Variants in LINGO2 observed in about 807,000 individuals in gnomAD.
LINGO2 encodes the protein leucine rich repeat and Ig domain containing 2, also known as leucine-rich repeat and immunoglobulin-like domain-containing nogo receptor-interacting protein 2.
Under a neutral mutation model 30.6 loss-of-function variants are expected in LINGO2, and 14 were observed. The observed-to-expected ratio is 0.46, with a 90% CI of 0.30 to 0.72. LINGO2 has a LOEUF of 0.72. LINGO2 is among the 30% of genes least tolerant of loss of function. The probability of loss-of-function intolerance (pLI) is 0.07; values close to 1 mark genes in which losing one functional copy is unlikely to be tolerated. For synonymous variants in LINGO2, 317 were observed against 288.5 expected (o/e 1.10, Z -1.00); for missense variants, 729 against 751.7 (o/e 0.97, Z 0.35).
intron 3 of LINGO2, among the ~76,000 whole-genome samples, chr9:28,312,927 A>G (rs1219827126): frequency 6.6e-6 from 1 of 152,182 alleles, no homozygotes; most frequent in Admixed American, 6.5e-5. Context: ...AAGGGTAGTT[A>G]TTTATTACAT....
At chr9:28,059,874 G>C (rs996788769) in intron 4 of LINGO2, among the ~76,000 whole-genome samples, 1 of 151,848 alleles carries the variant, frequency 6.6e-6, no homozygotes, top group African/African-American at 2.4e-5. Context: ...GGAGGCCTAA[G>C]TACATGCAAA....
chr9:28,361,838 G>A (rs1350507188), intron 3 of LINGO2, among the ~76,000 whole-genome samples: 1 of 152,128 alleles, frequency 6.6e-6, no homozygotes, highest in African/African-American at 2.4e-5. Flanking sequence ...TTGTAAGTTA[G>A]GTTTAACAGA....
At chr9:28,209,856 A>G (rs1820530319) in intron 4 of LINGO2, among the ~76,000 whole-genome samples, 1 of 151,860 alleles carries the variant, frequency 6.6e-6, no homozygotes, top group African/African-American at 2.4e-5. Flanking sequence ...ATTTCAACAG[A>G]TAAGTAAACA....
chr9:28,195,248 T>C (rs1167524762), intron 4 of LINGO2, among the ~76,000 whole-genome samples: 14 of 151,988 alleles, frequency 9.2e-5, no homozygotes, highest in Middle Eastern at 3.4e-3. Context: ...TAAAATGTGA[T>C]AGTTATTAAT....
intron 2 of LINGO2, among the ~76,000 whole-genome samples, chr9:28,461,992 CCA>C (rs1360260563): frequency 6.6e-6 from 1 of 152,086 alleles, no homozygotes; most frequent in Non-Finnish European, 1.5e-5. Context: ...AACTGAGCAA[CCA>C]CAGAGCCAAG....
intron 2 of LINGO2, among the ~76,000 whole-genome samples, chr9:28,378,660 T>C (rs1451776270): frequency 6.6e-6 from 1 of 152,154 alleles, no homozygotes; most frequent in African/African-American, 2.4e-5. Flanking sequence ...TCATTCACTA[T>C]TCTAAACAGC....
chr9:28,316,248 A>T (rs967985235), intron 3 of LINGO2, among the ~76,000 whole-genome samples: 14 of 152,018 alleles, frequency 9.2e-5, no homozygotes, highest in African/African-American at 2.4e-4. Flanking sequence ...ACTTTTTTTT[A>T]AAATTTAATG....
intron 4 of LINGO2, among the ~76,000 whole-genome samples, chr9:28,093,542 C>T (rs760190469): frequency 6.6e-6 from 1 of 151,826 alleles, no homozygotes; most frequent in Non-Finnish European, 1.5e-5. Flanking sequence ...TTTTTTTTAA[C>T]CGTCACTTTT....
chr9:28,951,398 C>T, the LINGO2 span, among the ~76,000 whole-genome samples: 1 of 151,820 alleles, frequency 6.6e-6, no homozygotes, highest in African/African-American at 2.4e-5. Flanking sequence ...TGGGGACAGG[C>T]CGGTGGGGTG....
In LINGO2 at chr9:28,329,637, A is replaced by G. The variant is rs181699690; in HGVS notation, c.-245-34271T>C. Among the ~76,000 whole-genome samples, 4 of 152,168 alleles carry G rather than the reference A, an allele frequency of 2.6e-5. No homozygotes were observed. Among genetic ancestry groups the G allele is most frequent in the South Asian group, 4.2e-4 (2 of 4,818 alleles). ...TGCACTTGCTATTCTCTCTGCCTGG[A>G]ATAGTTTCCTTCCCACTCTCCCCTT... On this transcript the variant is annotated intron_variant, in intron 3 of 5. Transcript: ENST00000379992. This position sits in a 1 kb window ranked among gnomAD's most constrained non-coding sequence, Gnocchi z 4.5.
rs150137242 is a variant in LINGO2 at position 28,503,991 on chromosome 9, C to G, written c.-364-27966G>C. 9.7e-3 allele frequency among the ~76,000 whole-genome samples: 1,468 copies of G among 152,010 alleles called. 24 individuals carry two copies. Among genetic ancestry groups the G allele is most frequent in the Admixed American group, 0.034 (515 of 15,238 alleles). ...TTCTCCTGAAATTTAGTGGATACTT[C>G]TTTAACTGCCTATCATGTGAAGAAC... On this transcript the variant is annotated intron_variant, in intron 1 of 5. Coordinates refer to ENST00000379992, the Ensembl canonical transcript of LINGO2.
intron 4 of LINGO2, among the ~76,000 whole-genome samples, chr9:28,238,260 C>CA (rs1821653189): frequency 6.6e-6 from 1 of 151,946 alleles, no homozygotes; most frequent in Non-Finnish European, 1.5e-5. Context: ...ACAACAACAA[C>CA]AAAAAATGGG....
At chr9:28,415,176 C>A (rs1024069803) in intron 2 of LINGO2, among the ~76,000 whole-genome samples, 1 of 152,018 alleles carries the variant, frequency 6.6e-6, no homozygotes. Context: ...AATCAATTCA[C>A]GTGCTAGTTC....
intron 1 of LINGO2, among the ~76,000 whole-genome samples, chr9:28,495,697 A>T (rs546853310): frequency 6.6e-6 from 1 of 152,008 alleles, no homozygotes; most frequent in South Asian, 2.1e-4. Flanking sequence ...TTGCCTTCTG[A>T]TAGCTTTTGA....
rs981404583 is a variant in LINGO2, at chr9:27,974,976, C to T, written c.-35-24270G>A. On this transcript the variant is annotated intron_variant, in intron 5 of 5. Transcript: ENST00000379992. ...GCACAATCCTAACTTATCAAACCTG[C>T]CCCAGACATACTCCACATTGTTCAT... 2.0e-5 allele frequency among the ~76,000 whole-genome samples: 3 copies of T among 152,148 alleles called. No homozygotes were observed. In the East Asian group the frequency reaches 5.8e-4, roughly 29 times the overall value.
intron 4 of LINGO2, among the ~76,000 whole-genome samples, chr9:28,280,545 A>G (rs1371622208): frequency 1.3e-5 from 2 of 152,158 alleles, no homozygotes; most frequent in East Asian, 3.9e-4. Flanking sequence ...TCCTTTAGGT[A>G]TAGCTACTTC....
chr9:28,260,142 AT>A (rs1041370135), intron 4 of LINGO2, among the ~76,000 whole-genome samples: 16 of 151,924 alleles, frequency 1.1e-4, no homozygotes, highest in Non-Finnish European at 2.2e-4. Flanking sequence ...TTATATCGTG[AT>A]AACCCCAACA....
intron 4 of LINGO2, among the ~76,000 whole-genome samples, chr9:28,039,492 G>T (rs1824100477): frequency 6.6e-6 from 1 of 152,094 alleles, no homozygotes. Flanking sequence ...TTGCCTTGAA[G>T]GATGAGTGTA....
chr9:28,894,370 C>T, the LINGO2 span, among the ~76,000 whole-genome samples: 179 of 152,080 alleles, frequency 1.2e-3, 1 homozygote, highest in African/African-American at 4.1e-3. Context: ...TACAACAATT[C>T]GCTTCAAGCT....
Sources: allele counts gnomAD v4.1 joint callset (sites outside exome capture counted in the v4.1 genomes callset), GRCh38; gene constraint gnomAD v4.1.1; non-coding constraint Gnocchi (gnomAD v3.1); transcripts MANE v1.5; gene names NCBI Gene and HGNC (gene_info 2026-07-23, HGNC 2026-07-21).